ZNF273: variants seen among roughly 807,000 people sequenced by gnomAD.
The protein encoded by ZNF273 is zinc finger protein 9.
Under a neutral mutation model 14.9 loss-of-function variants are expected in ZNF273, and 11 were observed. That is an observed-to-expected ratio of 0.74 (90% CI 0.46 to 1.22). The LOEUF (loss-of-function observed/expected upper bound fraction) is 1.22, where lower values mean the gene tolerates loss of function less well. Ranked by LOEUF, ZNF273 falls within the 50% of genes most tolerant of loss-of-function variation. ZNF273 has a pLI of 0.00. For synonymous variants in ZNF273, 199 were observed against 223.9 expected, an observed-to-expected ratio of 0.89 and a Z score of 0.99; for missense variants, 577 against 660.6, an observed-to-expected ratio of 0.87 and a Z score of 1.39.
intron 1 of ZNF273, among the ~76,000 whole-genome samples, chr7:64,912,826 G>GTTTTGTTTTTTGTTTTTTTTTTTTTTTT (rs746174998): frequency 5.5e-5 from 2 of 36,568 alleles, no homozygotes; most frequent in African/African-American, 8.2e-5. Context: ...ATTCATTTTA[G>GTTTTGTTTTTTGTTTTTTTTTTTTTTTT]TTTTTTTTTT....
downstream of ZNF273, chr7:64,879,887 G>A (rs1791203346): frequency 2.0e-5 from 3 of 152,330 alleles, no homozygotes; most frequent in South Asian, 6.2e-4. Flanking sequence ...CCTACGGTGA[G>A]CAACGTTGGG....
rs779056735 is a variant in ZNF273 at position 64,903,274 on chromosome 7, T to C, written c.-44T>C. On this transcript the variant is annotated 5_prime_UTR_variant, in exon 1 of 4. Coordinates refer to ENST00000476120, the MANE Select transcript of ZNF273 (RefSeq NM_021148.3). ...CTTCCGGGATTTGGCGGGGCCTTTG[T>C]CTCTCGCTGCAGTCGCAGCTCCAGG... 7.2e-6 allele frequency: 11 copies of C among 1,519,584 alleles called. No individual in the cohort carries two copies. The East Asian group carries it at 2.1e-4, about 28-fold the overall frequency. The allele number at this position is 1,519,584 out of a possible 1,614,324, so 94.1% of individuals were successfully genotyped here.
chr7:64,898,379 T>C (rs577984495), upstream of ZNF273, among the ~76,000 whole-genome samples: 1 of 152,304 alleles, frequency 6.6e-6, no homozygotes, highest in African/African-American at 2.4e-5. Context: ...GTGTTCTTCG[T>C]TTGAGTAGTA....
chr7:64,920,982 T>C (rs1794406342), intron 3 of ZNF273, among the ~76,000 whole-genome samples: 1 of 152,200 alleles, frequency 6.6e-6, no homozygotes, highest in Admixed American at 6.5e-5. Context: ...TTTTGCATCT[T>C]ACTGATGTCA....
intron 3 of ZNF273, among the ~76,000 whole-genome samples, chr7:64,896,924 A>G (rs1298390035): frequency 1.3e-5 from 2 of 152,274 alleles, no homozygotes; most frequent in Non-Finnish European, 2.9e-5. Flanking sequence ...GTGAATAAAT[A>G]TAGAAAATGT....
intron 3 of ZNF273, among the ~76,000 whole-genome samples, chr7:64,923,099 C>CAT (rs1409114064): frequency 6.6e-6 from 1 of 152,162 alleles, no homozygotes; most frequent in Non-Finnish European, 1.5e-5. Flanking sequence ...AGTCTCAACA[C>CAT]ATATTAAACA....
chr7:64,906,795 T>C (rs1487971283), intron 1 of ZNF273, among the ~76,000 whole-genome samples: 1 of 152,024 alleles, frequency 6.6e-6, no homozygotes, highest in Non-Finnish European at 1.5e-5. Flanking sequence ...TGTTACTGTT[T>C]TAAGGCAGTT....
In ZNF273 at chr7:64,930,269, G is replaced by C. The variant is rs1378263692; in HGVS notation, c.*1231G>C. The stretch of plus-strand genomic sequence containing the variant: ...TTTTTATTAGGTGGGCATTATTTAT[G>C]ACCTTTTCTGTGGAAGAGTAAGAAC... On this transcript the variant is annotated 3_prime_UTR_variant, in exon 4 of 4. Transcript: ENST00000476120. 1.3e-5 allele frequency: 2 copies of C among 151,928 alleles called. No homozygotes were observed. Among genetic ancestry groups the C allele is most frequent in the South Asian group, 2.1e-4 (1 of 4,822 alleles). The allele number at this position is 151,928 out of a possible 1,614,324, so 9.4% of individuals were successfully genotyped here. A position where few individuals can be genotyped will look rare whatever the true frequency, so the allele number is the denominator to read the frequency against.
intron 3 of ZNF273, among the ~76,000 whole-genome samples, chr7:64,921,375 G>A (rs925215248): frequency 2.0e-5 from 3 of 151,762 alleles, no homozygotes; most frequent in Non-Finnish European, 2.9e-5. Flanking sequence ...AGTTTTCTTT[G>A]TTTTATTAAT....
intron 3 of ZNF273, chr7:64,923,425 C>T: frequency 4.4e-6 from 2 of 453,148 alleles, no homozygotes; most frequent in Non-Finnish European, 8.8e-6. Context: ...ACTGCAACCT[C>T]TGCCCCTCGG....
chr7:64,883,268 C>A (rs1446601564), downstream of ZNF273, among the ~76,000 whole-genome samples: 3 of 150,532 alleles, frequency 2.0e-5, no homozygotes, highest in African/African-American at 7.3e-5. Flanking sequence ...CACACCACAC[C>A]CAAGAAGAGA....
At position 64,918,414 on chromosome 7, in the gene ZNF273, G is replaced by A. The variant is rs1472592076; in HGVS notation, c.325+122G>A. 1.9e-5 allele frequency: 19 copies of A among 1,002,334 alleles called. No homozygotes were observed. The Admixed American group carries it at 5.2e-4, about 27-fold the overall frequency. The allele number at this position is 1,002,334 out of a possible 1,614,324, so 62.1% of individuals were successfully genotyped here. A position where few individuals can be genotyped will look rare whatever the true frequency, so the allele number is the denominator to read the frequency against. ...GCGGTGGCTCACGTCTGTAATCCCAGCACTTTGGGAGGCCGAGGCGGGCGG... is the reference window on the plus strand; with the variant it reads ...GCGGTGGCTCACGTCTGTAATCCCAACACTTTGGGAGGCCGAGGCGGGCGG... On this transcript the variant is annotated intron_variant, in intron 3 of 3. Transcript: ENST00000476120.
intron 1 of ZNF273, among the ~76,000 whole-genome samples, chr7:64,912,826 G>GTTTTGTTTT (rs746174998): frequency 2.7e-5 from 1 of 36,568 alleles, no homozygotes; most frequent in Non-Finnish European, 5.7e-5. Flanking sequence ...ATTCATTTTA[G>GTTTTGTTTT]TTTTTTTTTT....
downstream of ZNF273, chr7:64,880,219 C>T (rs1320904075): frequency 6.6e-6 from 1 of 152,236 alleles, no homozygotes; most frequent in Admixed American, 6.5e-5. Context: ...TAGAGGCAGA[C>T]CATTCTGAGG....
chr7:64,900,128 TTTTG>T (rs1309337398), upstream of ZNF273, among the ~76,000 whole-genome samples: 3 of 151,884 alleles, frequency 2.0e-5, no homozygotes, highest in South Asian at 4.1e-4. Context: ...CTTTTTTTTT[TTTTG>T]TTTGTTTGTT....
chr7:64,912,507 A>G (rs1367943684), intron 1 of ZNF273, among the ~76,000 whole-genome samples: 1 of 151,774 alleles, frequency 6.6e-6, no homozygotes, highest in African/African-American at 2.4e-5. Flanking sequence ...CCCCCACCCC[A>G]TAAACATTCT....
chr7:64,928,088 A>G lies in ZNF273; in HGVS notation c.760A>G (p.Ile254Val), dbSNP rs1246654866. 2.5e-6 allele frequency: 4 copies of G among 1,613,534 alleles called. No homozygotes were observed. Among genetic ancestry groups the G allele is most frequent in the East Asian group, 4.5e-5 (2 of 44,824 alleles). ...GTTCTCAAATCTTACTAAACATAAG[A>G]TAATTCATCCTGAAGTGAATCCCTA... ...NQFSNLTKHK[I>V]IHPEVNPYKC... Residue 254 changes from isoleucine (I) to valine (V), a missense_variant, in exon 4 of 4, where the codon ATA becomes GTA. By Grantham distance (29) the Ile-to-Val change is conservative. This residue lies in a region of ZNF273 where 411 missense variants were observed against 440.4 expected (regional missense o/e 0.93). Transcript: ENST00000476120.
rs574851284 is a variant in ZNF273, at chr7:64,922,072, A to T, written c.325+3780A>T. ...ATGCTAAAATGAGTCTCTTGTAGGC[A>T]GCATATTTTATGCTTTTTTCTTAAG... is the stretch of plus-strand genomic sequence containing the variant. On this transcript the variant is annotated intron_variant, in intron 3 of 3. Transcript: ENST00000476120. 9.9e-5 allele frequency among the ~76,000 whole-genome samples: 15 copies of T among 151,428 alleles called. 1 individual carries two copies. The East Asian group carries it at 2.9e-3, about 29-fold the overall frequency.
downstream of ZNF273, chr7:64,889,556 C>G: frequency 4.1e-6 from 4 of 985,906 alleles, no homozygotes; most frequent in Non-Finnish European, 4.8e-6. This position sits in a 1 kb window ranked among gnomAD's most constrained non-coding sequence, Gnocchi z 4.2. Flanking sequence ...ACGGTCTCCT[C>G]TGACCTGAGA....
Sources: gnomAD v4.1 joint callset for allele counts (sites outside exome capture counted in the v4.1 genomes callset) on GRCh38, gnomAD v4.1.1 for gene constraint, gnomAD v4.1.1 regional missense constraint, Gnocchi (gnomAD v3.1) non-coding constraint, MANE v1.5 for transcripts, NCBI Gene and HGNC (gene_info 2026-07-23, HGNC 2026-07-21) for gene names.